KLF12: variants seen among roughly 807,000 people sequenced by gnomAD.
The protein encoded by KLF12 is Krueppel-like factor 12.
In KLF12, 9 loss-of-function variants were observed where a neutral mutation model predicts 37.8. That is an observed-to-expected ratio of 0.24 (90% CI 0.14 to 0.42). The LOEUF is 0.42. Among genes scored for constraint, KLF12 ranks in the 10% least tolerant of loss-of-function variants. The pLI is 1.00. For missense variants in KLF12, 411 were observed against 516.0 expected (o/e 0.80, Z 1.97); for synonymous variants, 208 against 202.1 (o/e 1.03, Z -0.25).
intron 1 of KLF12, among the ~76,000 whole-genome samples, chr13:74,016,751 A>T (rs1026584379): frequency 1.3e-5 from 2 of 152,152 alleles, no homozygotes; most frequent in Non-Finnish European, 2.9e-5. Flanking sequence ...TATACTCCTT[A>T]AGACTCAGCA....
intron 1 of KLF12, among the ~76,000 whole-genome samples, chr13:74,061,853 C>G (rs888958785): frequency 6.6e-6 from 1 of 152,168 alleles, no homozygotes; most frequent in Non-Finnish European, 1.5e-5. Flanking sequence ...CTTTCTGAAA[C>G]TTTTAACTGG....
intron 3 of KLF12, among the ~76,000 whole-genome samples, chr13:73,851,776 T>G (rs1037046143): frequency 2.3e-4 from 35 of 152,220 alleles, no homozygotes; most frequent in African/African-American, 8.4e-4. Context: ...TAAAGAAATT[T>G]ACTCTATTTC....
At chr13:73,781,744 C>A (rs1227226114) in intron 5 of KLF12, among the ~76,000 whole-genome samples, 1 of 151,878 alleles carries the variant, frequency 6.6e-6, no homozygotes, top group Non-Finnish European at 1.5e-5. Context: ...AACCTAGAGC[C>A]AAATAAAATA....
chr13:74,069,817 A>C (rs990286365), intron 1 of KLF12, among the ~76,000 whole-genome samples: 1 of 152,204 alleles, frequency 6.6e-6, no homozygotes, highest in African/African-American at 2.4e-5. Flanking sequence ...ATACTGACTT[A>C]AAAATGGTTC....
chr13:73,773,758 C>G (rs1880415406), intron 5 of KLF12, among the ~76,000 whole-genome samples: 1 of 152,136 alleles, frequency 6.6e-6, no homozygotes, highest in South Asian at 2.1e-4. Context: ...TGCCTATCAG[C>G]CAGCCACTCA....
At chr13:73,982,260 A>G (rs942036293) in intron 2 of KLF12, among the ~76,000 whole-genome samples, 1 of 152,258 alleles carries the variant, frequency 6.6e-6, no homozygotes, top group Non-Finnish European at 1.5e-5. Context: ...TTTGCAATAC[A>G]AAAAGCACAA....
chr13:73,738,301 C>G (rs1459446464), intron 6 of KLF12, among the ~76,000 whole-genome samples: 1 of 107,022 alleles, frequency 9.3e-6, no homozygotes, highest in Non-Finnish European at 2.0e-5. Context: ...CCCACCACCA[C>G]GCCTGGCTAA....
Position 73,688,647 on chromosome 13 carries a change from ATTG to A in KLF12, c.*6840_*6842del, listed in dbSNP as rs1336789509. On this transcript the variant is annotated 3_prime_UTR_variant, in exon 8 of 8. Transcript: ENST00000377669. Reference sequence around the variant, plus strand: ...AAGTTCGGGGAGACAACTGGTTGCTATTGTTTGTTTATAATGATCCTTCATGCA... The same window carrying A: ...AAGTTCGGGGAGACAACTGGTTGCTATTTGTTTATAATGATCCTTCATGCA... 1 of 152,148 alleles carries A rather than the reference ATTG, an allele frequency of 6.6e-6. No homozygotes were observed. The highest frequency in any genetic ancestry group is 1.5e-5 in the Non-Finnish European group (1 of 68,040). 9.4% of individuals were successfully genotyped at this position (152,148 alleles called of 1,614,324 possible). A position where few individuals can be genotyped will look rare whatever the true frequency, so the allele number is the denominator to read the frequency against.
intron 2 of KLF12, among the ~76,000 whole-genome samples, chr13:73,977,880 T>C (rs1193421357): frequency 6.6e-6 from 1 of 152,298 alleles, no homozygotes; most frequent in Non-Finnish European, 1.5e-5. Context: ...AAAGATAGTC[T>C]TTCCAACAAA....
chr13:73,727,993 A>T (rs983980612), intron 6 of KLF12, among the ~76,000 whole-genome samples: 1 of 152,222 alleles, frequency 6.6e-6, no homozygotes, highest in Non-Finnish European at 1.5e-5. Flanking sequence ...CGCCGTGGCC[A>T]GCCATCATCG....
At chr13:73,853,887 T>C (rs901403387) in intron 3 of KLF12, among the ~76,000 whole-genome samples, 1 of 152,184 alleles carries the variant, frequency 6.6e-6, no homozygotes, top group Non-Finnish European at 1.5e-5. Context: ...CTAGGGAATA[T>C]ACATCACACT....
At chr13:74,208,485 A>T in the KLF12 span, among the ~76,000 whole-genome samples, 2 of 152,312 alleles carry the variant, frequency 1.3e-5, no homozygotes, top group Admixed American at 6.5e-5. Flanking sequence ...TTTTGCTGGC[A>T]TTAATATTTT....
chr13:73,814,448 T>C (rs1594122682), intron 4 of KLF12, among the ~76,000 whole-genome samples: 1 of 152,306 alleles, frequency 6.6e-6, no homozygotes, highest in East Asian at 1.9e-4. Flanking sequence ...GTGTCTAATA[T>C]TTACAGTCTG....
At chr13:73,815,410 A>G (rs1247610773) in intron 4 of KLF12, among the ~76,000 whole-genome samples, 1 of 152,248 alleles carries the variant, frequency 6.6e-6, no homozygotes, top group Non-Finnish European at 1.5e-5. Context: ...AGCTCACAGA[A>G]TGGAAGGTCA....
intron 5 of KLF12, among the ~76,000 whole-genome samples, chr13:73,798,629 G>T (rs1882123339): frequency 6.6e-6 from 1 of 151,970 alleles, no homozygotes; most frequent in African/African-American, 2.4e-5. Flanking sequence ...CTTCTCAAAA[G>T]AATAGATAAT....
At chr13:73,964,198 C>G (rs1317956868) in intron 2 of KLF12, among the ~76,000 whole-genome samples, 1 of 152,026 alleles carries the variant, frequency 6.6e-6, no homozygotes, top group Non-Finnish European at 1.5e-5. Context: ...AAGAGAAAAC[C>G]CAGGTACCCT....
chr13:73,991,073 T>A (rs1409920001), intron 2 of KLF12, among the ~76,000 whole-genome samples: 1 of 152,174 alleles, frequency 6.6e-6, no homozygotes, highest in Non-Finnish European at 1.5e-5. Context: ...TCTCTGCATA[T>A]CATTTTGTTC....
chr13:73,722,442 T>C (rs1007534204), intron 6 of KLF12, among the ~76,000 whole-genome samples: 1 of 152,210 alleles, frequency 6.6e-6, no homozygotes, highest in African/African-American at 2.4e-5. Flanking sequence ...ACCATGTCAA[T>C]GTCTCTCCTA....
chr13:74,101,990 C>T (rs1287715210), intron 1 of KLF12, among the ~76,000 whole-genome samples: 6 of 151,782 alleles, frequency 4.0e-5, no homozygotes, highest in African/African-American at 9.7e-5. Context: ...GAGGCCGAGA[C>T]GGGCGGATCA....
Sources: gnomAD v4.1 joint callset for allele counts (sites outside exome capture counted in the v4.1 genomes callset) on GRCh38, gnomAD v4.1.1 for gene constraint, MANE v1.5 for transcripts, NCBI Gene and HGNC (gene_info 2026-07-23, HGNC 2026-07-21) for gene names.